Variants in NEXN observed in about 807,000 individuals in gnomAD.
The protein encoded by NEXN is nexilin.
In NEXN, 65 loss-of-function variants were observed where a neutral mutation model predicts 92.6. That is an observed-to-expected ratio of 0.70 (90% CI 0.57 to 0.86). The LOEUF is 0.86. NEXN is among the 40% of genes least tolerant of loss of function. NEXN has a pLI of 0.00. For missense variants in NEXN, 778 were observed against 771.1 expected (o/e 1.01, Z -0.11); for synonymous variants, 254 against 242.5 (o/e 1.05, Z -0.44).
At chr1:77,906,822 AT>A (rs550823621) in intron 1 of NEXN, among the ~76,000 whole-genome samples, 1 of 150,918 alleles carries the variant, frequency 6.6e-6, no homozygotes, top group East Asian at 1.9e-4. Context: ...ACCCAGATTA[AT>A]TTTTTTTTAA....
rs1273641425 is a variant in NEXN, at chr1:77,942,029, G to A, written c.1480G>A (p.Asp494Asn). 1 of 1,612,486 alleles carries A rather than the reference G, an allele frequency of 6.2e-7. No homozygotes were observed. Among genetic ancestry groups the A allele is most frequent in the Non-Finnish European group, 8.5e-7 (1 of 1,179,106 alleles). Residue 494 changes from aspartate (D) to asparagine (N), a missense_variant, in exon 12 of 13, where the codon GAT becomes AAT. Transcript: ENST00000334785. ...REAENFHEED[D>N]VDVRPARKSE... is the part of the protein sequence containing the mutation. ...TTGGCCCACTTTCTTGCAGGAAGAT[G>A]ATGTTGATGTTAGGCCTGCAAGAAA...
chr1:77,937,244 C>T (rs563524181), intron 11 of NEXN, among the ~76,000 whole-genome samples: 17 of 152,096 alleles, frequency 1.1e-4, no homozygotes, highest in South Asian at 4.2e-4. Context: ...GTTGAGGCTG[C>T]GGTGAACTGT....
intron 1 of NEXN, among the ~76,000 whole-genome samples, chr1:77,915,693 T>C (rs1203709672): frequency 6.6e-6 from 1 of 152,190 alleles, no homozygotes; most frequent in East Asian, 1.9e-4. Flanking sequence ...TGAAGATTGA[T>C]AGAAATAGCC....
chr1:77,902,006 CTCA>C (rs1379469003), intron 1 of NEXN, among the ~76,000 whole-genome samples: 2 of 152,138 alleles, frequency 1.3e-5, no homozygotes, highest in East Asian at 3.8e-4. Context: ...TATATTTTAT[CTCA>C]TCTAGACCAT....
intron 9 of NEXN, 121 bp from the exon 10 acceptor site, chr1:77,933,161 C>G (rs1650445028): frequency 1.4e-6 from 1 of 720,422 alleles, no homozygotes. Flanking sequence ...AACTCCATCT[C>G]AAAAAACAAA....
At chr1:77,908,675 C>T (rs1223555412) in intron 1 of NEXN, among the ~76,000 whole-genome samples, 1 of 152,098 alleles carries the variant, frequency 6.6e-6, no homozygotes, top group East Asian at 1.9e-4. Flanking sequence ...GCTGGGATTA[C>T]AGGCATGAGC....
chr1:77,928,415 A>T (rs181299570), intron 8 of NEXN, among the ~76,000 whole-genome samples: 2 of 152,052 alleles, frequency 1.3e-5, no homozygotes, highest in African/African-American at 2.4e-5. Context: ...TATATATATA[A>T]AAATTTAATT....
chr1:77,909,423 T>C (rs866787553), intron 1 of NEXN, among the ~76,000 whole-genome samples: 5 of 151,972 alleles, frequency 3.3e-5, no homozygotes, highest in Middle Eastern at 6.8e-3. Context: ...TTCATCTCAA[T>C]AAATAAATAA....
chr1:77,935,825 A>G lies in NEXN; in HGVS notation c.1254A>G (p.Glu418=). 6.2e-7 allele frequency: 1 copy of G among 1,610,702 alleles called. No homozygotes were observed. The highest frequency in any genetic ancestry group is 8.5e-7 in the Non-Finnish European group (1 of 1,178,692). The change falls in exon 11 of 13, where the codon GAA becomes GAG. Residue 418 remains glutamate (E), a splice_region_variant and synonymous_variant. Transcript: ENST00000334785. ...FEQLRQEMGE[E]EEENETFGLS... ...AAACTTATTAATTTTTTTTGAAGGA[A>G]GAGGAAGAAAATGAAACCTTTGGAT...
chr1:77,942,801 G>GT lies in NEXN; in HGVS notation c.2001dup (p.Ile668TyrfsTer5), dbSNP rs1182235860. ...AATAAAGGATCTGCAGCTAGTACCT[G>GT]TATTCTTACCATTGAAAGTAAGAAT... is the stretch of plus-strand genomic sequence containing the variant. On this transcript the variant is annotated frameshift_variant, in exon 13 of 13. Coordinates refer to ENST00000334785, the MANE Select transcript of NEXN (RefSeq NM_144573.4). LOFTEE classifies it high-confidence loss of function. 3 of 1,609,752 alleles carry GT rather than the reference G, an allele frequency of 1.9e-6. No homozygotes were observed. The highest frequency in any genetic ancestry group is 2.5e-6 in the Non-Finnish European group (3 of 1,176,626).
chr1:77,921,918 AC>A (rs1649450921), intron 5 of NEXN, among the ~76,000 whole-genome samples: 1 of 151,960 alleles, frequency 6.6e-6, no homozygotes, highest in South Asian at 2.1e-4. Context: ...TGCTGTCTCT[AC>A]AAAAAAATCT....
intron 8 of NEXN, among the ~76,000 whole-genome samples, chr1:77,928,856 C>T (rs1182361153): frequency 6.6e-6 from 1 of 152,188 alleles, no homozygotes; most frequent in Admixed American, 6.5e-5. Context: ...AAGGGATCCT[C>T]CCACCTCAGC....
chr1:77,938,995 G>A (rs1440405496), intron 11 of NEXN, among the ~76,000 whole-genome samples: 1 of 152,184 alleles, frequency 6.6e-6, no homozygotes, highest in Admixed American at 6.5e-5. Flanking sequence ...AACTTTTTAG[G>A]TCAGAGTAAT....
chr1:77,922,546 TC>T (rs1373300186), intron 5 of NEXN, among the ~76,000 whole-genome samples: 1 of 152,126 alleles, frequency 6.6e-6, no homozygotes, highest in Non-Finnish European at 1.5e-5. Flanking sequence ...AACAAGTAAT[TC>T]TATAACAAAG....
At chr1:77,901,995 T>G (rs1488623775) in intron 1 of NEXN, among the ~76,000 whole-genome samples, 1 of 152,218 alleles carries the variant, frequency 6.6e-6, no homozygotes, top group East Asian at 1.9e-4. Context: ...TTTTTGATAG[T>G]TATATTTTAT....
Position 77,917,701 on chromosome 1 carries a change from CAAAG to C in NEXN, c.166_169del (p.Arg56GlufsTer34), listed in dbSNP as rs765396527. ...TCAAAGGAGATCTAGAGACGAAAAA[CAAAG>C]AAGAAAAGAACAATATATTAGAGAG... On this transcript the variant is annotated frameshift_variant, in exon 3 of 13. Transcript: ENST00000334785. LOFTEE classifies it high-confidence loss of function. 3.1e-6 allele frequency: 5 copies of C among 1,611,636 alleles called. No individual in the cohort carries two copies. Among genetic ancestry groups the C allele is most frequent in the Non-Finnish European group, 4.2e-6 (5 of 1,178,594 alleles).
intron 5 of NEXN, among the ~76,000 whole-genome samples, chr1:77,922,066 C>T (rs1233712525): frequency 6.6e-6 from 1 of 151,994 alleles, no homozygotes; most frequent in Non-Finnish European, 1.5e-5. Flanking sequence ...CCATGTCCAG[C>T]CTCCTGGACC....
intron 1 of NEXN, among the ~76,000 whole-genome samples, chr1:77,904,683 A>G (rs1647974268): frequency 6.6e-6 from 1 of 152,228 alleles, no homozygotes; most frequent in Non-Finnish European, 1.5e-5. Flanking sequence ...AGAGAAGTGC[A>G]AAATATGGAC....
chr1:77,929,101 GTTTT>G (rs1274444901), intron 8 of NEXN, among the ~76,000 whole-genome samples: 10 of 152,094 alleles, frequency 6.6e-5, no homozygotes, highest in African/African-American at 2.4e-4. Flanking sequence ...TATTTGAGAA[GTTTT>G]ATTTAACCTG....
Sources: allele counts gnomAD v4.1 joint callset (sites outside exome capture counted in the v4.1 genomes callset), GRCh38; gene constraint gnomAD v4.1.1; transcripts MANE v1.5; gene names NCBI Gene and HGNC (gene_info 2026-07-23, HGNC 2026-07-21).